The following LHFPL6 variants were observed in gnomAD, a reference collection of about 807,000 sequenced individuals.
LHFPL6 encodes the protein LHFPL tetraspan subfamily member 6 protein.
Under a neutral mutation model 20.6 loss-of-function variants are expected in LHFPL6, and 9 were observed. The ratio of observed to expected loss-of-function variants is 0.44; its 90% CI spans 0.26 to 0.76. The LOEUF (loss-of-function observed/expected upper bound fraction) is 0.76, where lower values mean the gene tolerates loss of function less well. LHFPL6 is among the 30% of genes least tolerant of loss of function. The pLI is 0.20. For synonymous variants in LHFPL6, 105 were observed against 98.7 expected (o/e 1.06, Z -0.38); for missense variants, 218 against 253.5 (o/e 0.86, Z 0.95).
intron 2 of LHFPL6, among the ~76,000 whole-genome samples, chr13:39,383,823 C>G (rs887506345): frequency 1.3e-5 from 2 of 152,208 alleles, no homozygotes; most frequent in Non-Finnish European, 2.9e-5. Flanking sequence ...CACCTGCAGC[C>G]AGGGGCAAGC....
intron 2 of LHFPL6, among the ~76,000 whole-genome samples, chr13:39,468,032 C>T (rs1872847197): frequency 1.3e-5 from 2 of 152,100 alleles, no homozygotes; most frequent in South Asian, 4.1e-4. Flanking sequence ...CCTCTTTTGC[C>T]CCATGCCTGT....
chr13:39,442,198 A>T (rs985963679), intron 2 of LHFPL6, among the ~76,000 whole-genome samples: 4 of 150,238 alleles, frequency 2.7e-5, no homozygotes, highest in South Asian at 2.1e-4. Context: ...AACTGAGTTT[A>T]AAAAAAAAAT....
chr13:39,480,620 T>G (rs979925944), intron 2 of LHFPL6, among the ~76,000 whole-genome samples: 4 of 152,158 alleles, frequency 2.6e-5, no homozygotes, highest in African/African-American at 7.2e-5. Context: ...CTCATGTCCC[T>G]CCCTCTCATG....
At chr13:39,390,811 A>G (rs575976149) in intron 2 of LHFPL6, among the ~76,000 whole-genome samples, 56 of 152,288 alleles carry the variant, frequency 3.7e-4, no homozygotes, top group Admixed American at 6.5e-4. Context: ...TCTGGCCAAC[A>G]TGGTGAAACC....
intron 2 of LHFPL6, among the ~76,000 whole-genome samples, chr13:39,567,797 T>C (rs1322632241): frequency 6.6e-6 from 1 of 152,254 alleles, no homozygotes; most frequent in Non-Finnish European, 1.5e-5. Context: ...CAGCCTATTT[T>C]TGTAAATAAA....
intron 2 of LHFPL6, among the ~76,000 whole-genome samples, chr13:39,487,130 T>C (rs1868753187): frequency 6.6e-6 from 1 of 152,142 alleles, no homozygotes; most frequent in Admixed American, 6.5e-5. Context: ...TTGGAAACCA[T>C]CCAACAGACA....
intron 2 of LHFPL6, among the ~76,000 whole-genome samples, chr13:39,425,272 G>A (rs1179825491): frequency 6.6e-6 from 1 of 152,190 alleles, no homozygotes; most frequent in Non-Finnish European, 1.5e-5. Context: ...TATTGTAACA[G>A]TCCATTGCAT....
intron 2 of LHFPL6, among the ~76,000 whole-genome samples, chr13:39,419,576 C>T (rs994404863): frequency 3.9e-5 from 6 of 152,144 alleles, no homozygotes; most frequent in Admixed American, 1.3e-4. Flanking sequence ...TTAGCTTTTA[C>T]TAAAGTTGTA....
chr13:39,378,548 G>C (rs759196333), intron 2 of LHFPL6, 22 bp from the exon 3 acceptor site: 5 of 1,580,092 alleles, frequency 3.2e-6, no homozygotes, highest in Non-Finnish European at 4.3e-6. Context: ...TAAGACAAGA[G>C]GGCTTTACCA....
intron 2 of LHFPL6, among the ~76,000 whole-genome samples, chr13:39,536,286 GAGA>G (rs752094032): frequency 7.2e-5 from 11 of 152,182 alleles, no homozygotes; most frequent in Non-Finnish European, 1.3e-4. Context: ...AAAGAATGCA[GAGA>G]AGGAGGAGTC....
At chr13:39,565,547 A>C (rs1207863387) in intron 2 of LHFPL6, among the ~76,000 whole-genome samples, 2 of 152,258 alleles carry the variant, frequency 1.3e-5, no homozygotes, top group African/African-American at 2.4e-5. Context: ...ACAGTGGAGA[A>C]GGGAATTGTA....
chr13:39,547,415 C>A (rs1871016200), intron 2 of LHFPL6, among the ~76,000 whole-genome samples: 1 of 152,080 alleles, frequency 6.6e-6, no homozygotes, highest in African/African-American at 2.4e-5. Flanking sequence ...ACCTTTTAAT[C>A]CACCAGTAAC....
At chr13:39,419,796 C>T (rs1871434600) in intron 2 of LHFPL6, among the ~76,000 whole-genome samples, 1 of 152,050 alleles carries the variant, frequency 6.6e-6, no homozygotes, top group Admixed American at 6.6e-5. Context: ...ATTTTTCTAT[C>T]TTTTCCTGAG....
chr13:39,589,085 T>G (rs1002179753), intron 2 of LHFPL6, among the ~76,000 whole-genome samples: 1 of 152,092 alleles, frequency 6.6e-6, no homozygotes, highest in African/African-American at 2.4e-5. Context: ...TAACAGCAAA[T>G]CACTAACTGG....
At chr13:39,415,948 A>C (rs1871336283) in intron 2 of LHFPL6, among the ~76,000 whole-genome samples, 1 of 145,910 alleles carries the variant, frequency 6.9e-6, no homozygotes, top group African/African-American at 2.5e-5. Flanking sequence ...CAGAATCAGG[A>C]CTAGAAAGGT....
intron 2 of LHFPL6, among the ~76,000 whole-genome samples, chr13:39,597,555 A>T (rs143506894): frequency 6.6e-6 from 1 of 152,168 alleles, no homozygotes; most frequent in Non-Finnish European, 1.5e-5. Context: ...TTTATTTTAC[A>T]TTGTATTTCC....
intron 2 of LHFPL6, among the ~76,000 whole-genome samples, chr13:39,441,823 CTTTTTTTT>C (rs1168860757): frequency 9.1e-6 from 1 of 110,078 alleles, no homozygotes; most frequent in African/African-American, 3.5e-5. Context: ...TGGGCTAAAA[CTTTTTTTT>C]TTTTTTTTTT....
chr13:39,535,152 C>T (rs1870577772), intron 2 of LHFPL6, among the ~76,000 whole-genome samples: 1 of 152,228 alleles, frequency 6.6e-6, no homozygotes, highest in South Asian at 2.1e-4. Flanking sequence ...CTTATAAGGA[C>T]ATCCATCATA....
intron 2 of LHFPL6, among the ~76,000 whole-genome samples, chr13:39,550,312 T>C (rs1230786679): frequency 2.0e-5 from 3 of 152,112 alleles, no homozygotes; most frequent in Non-Finnish European, 2.9e-5. Context: ...GATGGATCCA[T>C]GTTATATCTT....
Sources: allele counts gnomAD v4.1 joint callset (sites outside exome capture counted in the v4.1 genomes callset), GRCh38; gene constraint gnomAD v4.1.1; transcripts MANE v1.5; gene names NCBI Gene and HGNC (gene_info 2026-07-23, HGNC 2026-07-21).